Variants in MYOM1 observed in about 807,000 individuals in gnomAD.
The protein encoded by MYOM1 is myomesin-1.
MYOM1 carries 164 observed loss-of-function variants against 205.3 expected under a neutral mutation model. The ratio of observed to expected loss-of-function variants is 0.80; its 90% CI spans 0.70 to 0.91. MYOM1 has a LOEUF of 0.91. MYOM1 is among the 40% of genes least tolerant of loss of function. The pLI is 0.00. For missense variants in MYOM1, 2,011 were observed against 2,127.3 expected (o/e 0.95, Z 1.08); for synonymous variants, 772 against 789.4 (o/e 0.98, Z 0.37).
chr18:3,177,063 A>C (rs1024361242), intron 5 of MYOM1, among the ~76,000 whole-genome samples: 1 of 152,036 alleles, frequency 6.6e-6, no homozygotes, highest in African/African-American at 2.4e-5. Flanking sequence ...CCTGGGCAAT[A>C]AGCAAGACCC....
At chr18:3,125,971 T>C (rs2079774837) in intron 19 of MYOM1, among the ~76,000 whole-genome samples, 1 of 151,934 alleles carries the variant, frequency 6.6e-6, no homozygotes, top group Non-Finnish European at 1.5e-5. Flanking sequence ...ATTTGGACAC[T>C]GAAAGTTAAA....
At position 3,131,516 on chromosome 18, in the gene MYOM1, T is replaced by A. The variant is rs555728203; in HGVS notation, c.2385-20A>T. On this transcript the variant is annotated intron_variant, in intron 16 of 37. Coordinates refer to ENST00000356443, the MANE Select transcript of MYOM1 (RefSeq NM_003803.4). Reference sequence around the variant, plus strand: ...GTGAATCTAAAAGGAAAACAAGTTTTAAAAAATTTTCCTAGGAGGAAGATT... The same window carrying A: ...GTGAATCTAAAAGGAAAACAAGTTTAAAAAAATTTTCCTAGGAGGAAGATT... 8.3e-5 allele frequency: 133 copies of A among 1,606,046 alleles called. 1 individual carries two copies. The South Asian group carries it at 1.0e-3, about 12-fold the overall frequency.
At chr18:3,097,761 G>T (rs1352390347) in intron 25 of MYOM1, among the ~76,000 whole-genome samples, 1 of 152,118 alleles carries the variant, frequency 6.6e-6, no homozygotes, top group African/African-American at 2.4e-5. Context: ...ATGCGACACT[G>T]GGTCTCTAAT....
chr18:3,140,638 T>A, intron 14 of MYOM1, among the ~76,000 whole-genome samples: 1 of 152,200 alleles, frequency 6.6e-6, no homozygotes, highest in East Asian at 1.9e-4. Flanking sequence ...TGTTACCTAA[T>A]TTTCAGAAGT....
chr18:3,128,320 A>T (rs66499981), intron 18 of MYOM1, among the ~76,000 whole-genome samples: 6,396 of 152,226 alleles, frequency 0.042, 286 homozygotes, highest in African/African-American at 0.11. Context: ...AGGTTATAGA[A>T]GTTGGGGTGG....
At chr18:3,090,904 T>G (rs909827116) in intron 26 of MYOM1, 102 bp from the exon 27 acceptor site, 31 of 1,408,768 alleles carry the variant, frequency 2.2e-5, no homozygotes, top group Non-Finnish European at 2.7e-5. Context: ...AAAGGCTAGA[T>G]GCAGTGCCTG....
intron 16 of MYOM1, among the ~76,000 whole-genome samples, chr18:3,133,494 C>G (rs1261340140): frequency 6.6e-6 from 1 of 152,160 alleles, no homozygotes; most frequent in South Asian, 2.1e-4. Flanking sequence ...AAAGAGGCAG[C>G]AAATTATTCT....
chr18:3,155,081 A>G lies in MYOM1; in HGVS notation c.1509T>C (p.Asp503=), dbSNP rs747963242. 1 of 1,611,854 alleles carries G rather than the reference A, an allele frequency of 6.2e-7. No homozygotes were observed. ...CAGCTGGGGCTCCTTCAATCTCTGC[A>G]TCAGCATCTGTGGAGACAGAGAAGG... is the stretch of plus-strand genomic sequence containing the variant. The part of the protein sequence containing the change: ...YSAYVFVRDA[D]AEIEGAPAAP... The change falls in exon 11 of 38, where the codon GAT becomes GAC. Residue 503 remains aspartate, a synonymous_variant. Coordinates refer to ENST00000356443, the MANE Select transcript of MYOM1 (RefSeq NM_003803.4).
intron 26 of MYOM1, among the ~76,000 whole-genome samples, chr18:3,092,684 G>C (rs1236892755): frequency 2.0e-5 from 3 of 152,116 alleles, no homozygotes; most frequent in African/African-American, 7.2e-5. Flanking sequence ...GAAGGCTCAG[G>C]TCTGGGATGA....
chr18:3,127,305 A>ATACATTT (rs56880961), intron 18 of MYOM1, among the ~76,000 whole-genome samples: 1 of 47,580 alleles, frequency 2.1e-5, no homozygotes. Flanking sequence ...ATATATATAT[A>ATACATTT]TTTTTTTTTT....
chr18:3,129,293 T>C lies in MYOM1; in HGVS notation c.2733A>G (p.Pro911=). 6.2e-7 allele frequency: 1 copy of C among 1,614,014 alleles called. No homozygotes were observed. Among genetic ancestry groups the C allele is most frequent in the East Asian group, 2.2e-5 (1 of 44,884 alleles). The change falls in exon 18 of 38, where the codon CCA becomes CCG. Residue 911 remains proline, a synonymous_variant. Transcript: ENST00000356443. ...ETVQEELTPP[P]QKAAPQGKSK... Reference sequence around the variant, plus strand: ...TTTTCCCCTGAGGAGCCGCTTTCTGTGGTGGCGGGGTAAGCTCTTCCTGAA... The same window carrying C: ...TTTTCCCCTGAGGAGCCGCTTTCTGCGGTGGCGGGGTAAGCTCTTCCTGAA...
intron 2 of MYOM1, among the ~76,000 whole-genome samples, chr18:3,212,511 TA>T (rs1173003037): frequency 6.6e-6 from 1 of 152,198 alleles, no homozygotes; most frequent in African/African-American, 2.4e-5. Flanking sequence ...AAAATTAAGA[TA>T]ATTTTAATAT....
intron 21 of MYOM1, among the ~76,000 whole-genome samples, chr18:3,116,084 A>C (rs1004527072): frequency 2.6e-5 from 4 of 152,208 alleles, no homozygotes; most frequent in African/African-American, 7.2e-5. Context: ...CAAGGAGAGA[A>C]AGGAGAGAGG....
At chr18:3,231,083 C>G in the MYOM1 span, among the ~76,000 whole-genome samples, 1 of 152,174 alleles carries the variant, frequency 6.6e-6, no homozygotes, top group Admixed American at 6.5e-5. Context: ...GGAAAGCTGC[C>G]CTGCTGATGT....
chr18:3,093,872 T>C (rs1369077026), intron 26 of MYOM1, among the ~76,000 whole-genome samples: 2 of 152,200 alleles, frequency 1.3e-5, no homozygotes, highest in African/African-American at 4.8e-5. Context: ...TGGGCTCCTC[T>C]GCCTCCCAGG....
rs10603957 is a variant in MYOM1 at position 3,104,236 on chromosome 18, TTATAA to T, written c.3419-1611_3419-1607del. On this transcript the variant is annotated intron_variant, in intron 22 of 37. Transcript: ENST00000356443. ...GAAGAGTGTTGAGGTTTAGACTGTATTATAATATACAGTTTGTGTGACTGAGTCAC... is the reference window on the plus strand; with the variant it reads ...GAAGAGTGTTGAGGTTTAGACTGTATTATACAGTTTGTGTGACTGAGTCAC... 7.6e-3 allele frequency among the ~76,000 whole-genome samples: 1,162 copies of T among 152,300 alleles called. 13 individuals carry two copies. Among genetic ancestry groups the T allele is most frequent in the African/African-American group, 0.027 (1,124 of 41,556 alleles).
chr18:3,084,058 A>G, intron 31 of MYOM1, 31 bp from the exon 32 acceptor site: 2 of 1,561,856 alleles, frequency 1.3e-6, no homozygotes, highest in Non-Finnish European at 1.7e-6. Context: ...CCAAAACTTT[A>G]GCATAAAAAT....
the MYOM1 span, among the ~76,000 whole-genome samples, chr18:3,228,230 A>G: frequency 6.6e-6 from 1 of 152,246 alleles, no homozygotes; most frequent in Non-Finnish European, 1.5e-5. This position sits in a 1 kb window ranked among gnomAD's most constrained non-coding sequence, Gnocchi z 4.5. Flanking sequence ...TCTTGACTTT[A>G]GAGCACCTGA....
chr18:3,081,080 G>A (rs978709059), intron 33 of MYOM1, among the ~76,000 whole-genome samples: 11 of 151,664 alleles, frequency 7.3e-5, no homozygotes, highest in Non-Finnish European at 1.3e-4. Context: ...GCAGTGAGCC[G>A]GGATCACGCC....
Sources: gnomAD v4.1 joint callset for allele counts (sites outside exome capture counted in the v4.1 genomes callset) on GRCh38, gnomAD v4.1.1 for gene constraint, Gnocchi (gnomAD v3.1) non-coding constraint, MANE v1.5 for transcripts, NCBI Gene and HGNC (gene_info 2026-07-23, HGNC 2026-07-21) for gene names.